Variants in CDK19 observed in about 807,000 individuals in gnomAD.
The protein encoded by CDK19 is cyclin dependent kinase 19, also known as cyclin-dependent kinase 19.
In CDK19, 20 loss-of-function variants were observed where a neutral mutation model predicts 68.3. That is an observed-to-expected ratio of 0.29 (90% CI 0.21 to 0.43). CDK19 has a LOEUF of 0.43. Among genes scored for constraint, CDK19 ranks in the 20% least tolerant of loss-of-function variants. CDK19 has a pLI of 1.00. For missense variants in CDK19, 339 were observed against 623.5 expected, an observed-to-expected ratio of 0.54 and a Z score of 4.86; for synonymous variants, 221 against 222.8, an observed-to-expected ratio of 0.99 and a Z score of 0.07.
intron 2 of CDK19, among the ~76,000 whole-genome samples, chr6:110,695,585 G>T (rs955048550): frequency 6.6e-6 from 1 of 152,064 alleles, no homozygotes; most frequent in Non-Finnish European, 1.5e-5. Context: ...AAACAAAATT[G>T]ATAGACCATT....
chr6:110,785,931 G>C (rs1030789217), intron 1 of CDK19, among the ~76,000 whole-genome samples: 1 of 150,744 alleles, frequency 6.6e-6, no homozygotes, highest in African/African-American at 2.4e-5. Context: ...CGTGAGTCGA[G>C]ATGAAGCCAT....
intron 2 of CDK19, chr6:110,706,933 A>G (rs914322116): frequency 5.2e-5 from 8 of 152,712 alleles, no homozygotes; most frequent in Admixed American, 1.3e-4. Flanking sequence ...CCCTTTGTCA[A>G]TTTGGCAAAG....
chr6:110,808,721 A>G (rs189771588), intron 1 of CDK19, among the ~76,000 whole-genome samples: 137 of 152,336 alleles, frequency 9.0e-4, no homozygotes, highest in Non-Finnish European at 1.5e-3. Context: ...ATTTTTTACC[A>G]TAAACCCATA....
chr6:110,780,976 T>C (rs1028833357), intron 1 of CDK19, among the ~76,000 whole-genome samples: 2 of 152,194 alleles, frequency 1.3e-5, no homozygotes, highest in Admixed American at 6.5e-5. Flanking sequence ...GAAGCCAGTG[T>C]CTTTTAGTGC....
At chr6:110,654,680 C>A (rs974894027) in intron 4 of CDK19, among the ~76,000 whole-genome samples, 2 of 152,210 alleles carry the variant, frequency 1.3e-5, no homozygotes, top group African/African-American at 2.4e-5. Context: ...GTGGCTCATG[C>A]CTGTAATCCC....
Position 110,614,424 on chromosome 6 carries a change from G to A in CDK19, c.*111C>T. ...AGTATATAAGGTTTTCCTCCCATGT[G>A]TATGAGTTTTAAATGGCATCATAGT... On this transcript the variant is annotated 3_prime_UTR_variant, in exon 13 of 13. Coordinates refer to ENST00000368911, the MANE Select transcript of CDK19 (RefSeq NM_015076.5). 3 of 949,574 alleles carry A rather than the reference G, an allele frequency of 3.2e-6. No homozygotes were observed. The highest frequency in any genetic ancestry group is 1.6e-5 in the South Asian group (1 of 61,386). 58.8% of individuals were successfully genotyped at this position (949,574 alleles called of 1,614,324 possible).
chr6:110,667,254 TTAAA>T (rs1332569136), intron 4 of CDK19, among the ~76,000 whole-genome samples, 176 bp downstream of exon 4: 18 of 152,206 alleles, frequency 1.2e-4, no homozygotes, highest in African/African-American at 4.1e-4. Flanking sequence ...CCACCAAATG[TTAAA>T]TAGTGTTAAT....
chr6:110,666,244 T>C (rs1368356248), intron 4 of CDK19, among the ~76,000 whole-genome samples: 4 of 144,794 alleles, frequency 2.8e-5, no homozygotes, highest in Non-Finnish European at 6.1e-5. Context: ...TGAAACCCTG[T>C]CTCTACTAAA....
chr6:110,705,785 A>G (rs188882495), intron 2 of CDK19, among the ~76,000 whole-genome samples: 46 of 152,258 alleles, frequency 3.0e-4, no homozygotes, highest in Admixed American at 2.7e-3. Flanking sequence ...GTTCCCACTC[A>G]TAAGTGAGAG....
At chr6:110,727,347 T>G (rs1225095703) in intron 2 of CDK19, among the ~76,000 whole-genome samples, 1 of 152,120 alleles carries the variant, frequency 6.6e-6, no homozygotes, top group African/African-American at 2.4e-5. Context: ...TCTTAAGTAT[T>G]TCCTTATCTT....
chr6:110,768,137 C>T (rs1779721529), intron 1 of CDK19, among the ~76,000 whole-genome samples: 1 of 152,134 alleles, frequency 6.6e-6, no homozygotes, highest in Non-Finnish European at 1.5e-5. Flanking sequence ...GGAAATAGGA[C>T]ACATGAAAAG....
chr6:110,779,491 G>A (rs1392131654), intron 1 of CDK19, among the ~76,000 whole-genome samples: 1 of 152,176 alleles, frequency 6.6e-6, no homozygotes, highest in Non-Finnish European at 1.5e-5. Flanking sequence ...AGGTCTTGAG[G>A]ATAGGAAACG....
intron 2 of CDK19, among the ~76,000 whole-genome samples, chr6:110,729,177 G>T (rs964316895): frequency 6.6e-6 from 1 of 152,088 alleles, no homozygotes; most frequent in Non-Finnish European, 1.5e-5. Context: ...AAGTAAAAGA[G>T]CTAGGACAGG....
At chr6:110,685,479 A>C (rs1161721731) in intron 2 of CDK19, among the ~76,000 whole-genome samples, 5 of 152,324 alleles carry the variant, frequency 3.3e-5, no homozygotes, top group Admixed American at 2.6e-4. Flanking sequence ...GACATAGTAT[A>C]ATTGTCTCCC....
intron 2 of CDK19, among the ~76,000 whole-genome samples, chr6:110,723,135 C>CAAAAAAAAAAAAAAAA (rs760048229): frequency 1.5e-5 from 1 of 65,488 alleles, no homozygotes; most frequent in Non-Finnish European, 3.3e-5. Context: ...AAGGCTTTGT[C>CAAAAAAAAAAAAAAAA]AAAAAAAACA....
chr6:110,739,360 C>T (rs1244515687), intron 2 of CDK19, among the ~76,000 whole-genome samples: 1 of 152,104 alleles, frequency 6.6e-6, no homozygotes, highest in Non-Finnish European at 1.5e-5. Context: ...AGGAAGTGGA[C>T]CCTTACCAGA....
intron 2 of CDK19, among the ~76,000 whole-genome samples, chr6:110,744,374 T>C (rs1305565316): frequency 1.3e-5 from 2 of 151,300 alleles, no homozygotes; most frequent in Non-Finnish European, 2.9e-5. Flanking sequence ...ATTTGCATCC[T>C]AAAGCAAACA....
Position 110,787,989 on chromosome 6 carries a change from G to A in CDK19, c.128+27020C>T, listed in dbSNP as rs146252907. On this transcript the variant is annotated intron_variant, in intron 1 of 12. Coordinates refer to ENST00000368911, the MANE Select transcript of CDK19 (RefSeq NM_015076.5). The stretch of plus-strand genomic sequence containing the variant: ...TGAGGAGCTGGGATTACAGTCGTGC[G>A]CCACCATACCTGGCTAATTTTTGTA... Among the ~76,000 whole-genome samples, 403 of 152,038 alleles carry A rather than the reference G, an allele frequency of 2.7e-3. 1 individual carries two copies. Among genetic ancestry groups the A allele is most frequent in the African/African-American group, 9.1e-3 (379 of 41,484 alleles).
chr6:110,765,398 G>A (rs1238414595), intron 1 of CDK19, among the ~76,000 whole-genome samples: 3 of 152,046 alleles, frequency 2.0e-5, no homozygotes, highest in South Asian at 4.2e-4. Flanking sequence ...AAGAGAACAG[G>A]TCAGACGCGG....
Sources: allele counts gnomAD v4.1 joint callset (sites outside exome capture counted in the v4.1 genomes callset), GRCh38; gene constraint gnomAD v4.1.1; transcripts MANE v1.5; gene names NCBI Gene and HGNC (gene_info 2026-07-23, HGNC 2026-07-21).